Variants in RPS6KA3 observed in about 807,000 individuals in gnomAD.
The protein encoded by RPS6KA3 is ribosomal protein S6 kinase alpha-3.
Under a neutral mutation model 67.2 loss-of-function variants are expected in RPS6KA3, and 4 were observed. That is an observed-to-expected ratio of 0.06 (90% CI 0.03 to 0.14). The LOEUF (loss-of-function observed/expected upper bound fraction) is 0.14, where lower values mean the gene tolerates loss of function less well. Among genes scored for constraint, RPS6KA3 ranks in the 10% least tolerant of loss-of-function variants. The probability of loss-of-function intolerance (pLI) is 1.00; values close to 1 mark genes in which losing one functional copy is unlikely to be tolerated. For synonymous variants in RPS6KA3, 182 were observed against 183.7 expected (o/e 0.99, Z 0.07); for missense variants, 204 against 559.0 (o/e 0.36, Z 6.40).
intron 10 of RPS6KA3, among the ~76,000 whole-genome samples, chrX:20,181,990 G>A (rs1295490229): frequency 8.9e-6 from 1 of 111,763 alleles, no homozygotes; most frequent in Non-Finnish European, 1.9e-5. Flanking sequence ...TAGATGAAGT[G>A]ATAAAGGTTC....
intron 17 of RPS6KA3, among the ~76,000 whole-genome samples, chrX:20,167,125 T>C (rs1367854517): frequency 3.6e-5 from 4 of 112,162 alleles, no homozygotes; most frequent in African/African-American, 1.3e-4. Flanking sequence ...GTGCCCAGCC[T>C]AGAAATACAA....
intron 2 of RPS6KA3, among the ~76,000 whole-genome samples, chrX:20,211,095 T>C (rs1207107131): frequency 9.0e-6 from 1 of 110,965 alleles, no homozygotes; most frequent in Non-Finnish European, 1.9e-5. Context: ...ACCTACTACA[T>C]ATCAACCCTG....
At chrX:20,168,993 T>TAGGCATGAGCCACCATGTC (rs1357258637) in intron 16 of RPS6KA3, among the ~76,000 whole-genome samples, 2 of 110,976 alleles carry the variant, frequency 1.8e-5, no homozygotes, top group Non-Finnish European at 3.8e-5. Context: ...GCTGCGACTA[T>TAGGCATGAGCCACCATGTC]AGGCATGAGC....
chrX:20,256,191 A>G (rs962479004), intron 1 of RPS6KA3, among the ~76,000 whole-genome samples: 1 of 104,071 alleles, frequency 9.6e-6, no homozygotes, highest in Non-Finnish European at 2.0e-5. Flanking sequence ...AAAAAAAAAA[A>G]AAAAAAAAGA....
Position 20,173,866 on chromosome X carries a change from A to T in RPS6KA3, c.1228-995T>A, listed in dbSNP as rs886250922. Among the ~76,000 whole-genome samples, 11 of 112,800 alleles carry T rather than the reference A, an allele frequency of 9.8e-5. No individual in the cohort carries two copies. The South Asian group carries it at 2.9e-3, about 30-fold the overall frequency. ...TCAAGCAAATCCAAGTACAAATGAT[A>T]TCCTAAAAAGAATCCAATGCTTCAA... On this transcript the variant is annotated intron_variant, in intron 14 of 21. Transcript: ENST00000379565.
At chrX:20,165,104 C>T in intron 17 of RPS6KA3, 44 bp from the exon 18 acceptor site, 4 of 1,032,394 alleles carry the variant, frequency 3.9e-6, no homozygotes, top group Non-Finnish European at 4.1e-6. Flanking sequence ...CAATATATTT[C>T]CATTACTGAA....
At chrX:20,221,448 T>A (rs779788096) in intron 2 of RPS6KA3, among the ~76,000 whole-genome samples, 1 of 111,929 alleles carries the variant, frequency 8.9e-6, no homozygotes, top group South Asian at 3.7e-4. Context: ...AGGGAAAAAA[T>A]TTAAAAAAAT....
rs375505082 is a variant in RPS6KA3, at chrX:20,164,389, T to G, written c.1764+510A>C. On this transcript the variant is annotated intron_variant, in intron 18 of 21. Coordinates refer to ENST00000379565, the MANE Select transcript of RPS6KA3 (RefSeq NM_004586.3). ...ATACCAGAGAGACTGAAGGGTTGTT[T>G]TTTTTTTTTTTTTTTGAGAGGGGTT... Among the ~76,000 whole-genome samples the G allele has an allele frequency of 2.1e-3, 221 of 104,803 alleles. 1 individual carries two copies. Among genetic ancestry groups the G allele is most frequent in the Non-Finnish European group, 3.7e-3 (186 of 50,792 alleles). The allele number at this position is 104,803 out of a possible 115,157, so 91.0% of individuals were successfully genotyped here. A position where few individuals can be genotyped will look rare whatever the true frequency, so the allele number is the denominator to read the frequency against.
At chrX:20,253,353 CT>C (rs1432794334) in intron 1 of RPS6KA3, among the ~76,000 whole-genome samples, 1 of 111,027 alleles carries the variant, frequency 9.0e-6, no homozygotes, top group African/African-American at 3.3e-5. Context: ...AGGAAACAGG[CT>C]TTTTCTCAGA....
intron 8 of RPS6KA3, 55 bp downstream of exon 8, chrX:20,188,437 TAAAGG>T: frequency 6.2e-6 from 4 of 647,838 alleles, no homozygotes; most frequent in Non-Finnish European, 9.8e-6. Context: ...CAATCAACCT[TAAAGG>T]AAAGTATATA....
At chrX:20,239,345 C>T (rs907800184) in intron 1 of RPS6KA3, among the ~76,000 whole-genome samples, 3 of 111,610 alleles carry the variant, frequency 2.7e-5, no homozygotes, top group African/African-American at 6.5e-5. Context: ...GAAGAAGTAT[C>T]GGAGAGTGTT....
chrX:20,198,880 T>C (rs746207086), intron 4 of RPS6KA3, among the ~76,000 whole-genome samples: 1 of 111,686 alleles, frequency 9.0e-6, no homozygotes, highest in Non-Finnish European at 1.9e-5. Flanking sequence ...TAGGAGTCTA[T>C]CTTTTTTTTG....
chrX:20,203,249 TTTC>T (rs746251972), intron 4 of RPS6KA3: 4 of 105,150 alleles, frequency 3.8e-5, no homozygotes, highest in Non-Finnish European at 7.7e-5. Context: ...TAAATCTATA[TTTC>T]TTCTTAACTA....
chrX:20,223,300 T>C (rs907283429), intron 2 of RPS6KA3, among the ~76,000 whole-genome samples: 1 of 111,702 alleles, frequency 9.0e-6, no homozygotes, highest in Non-Finnish European at 1.9e-5. Flanking sequence ...AGGCAGATTT[T>C]TTCCTATGTT....
At chrX:20,220,785 T>C (rs915872809) in intron 2 of RPS6KA3, among the ~76,000 whole-genome samples, 1 of 111,584 alleles carries the variant, frequency 9.0e-6, no homozygotes, top group African/African-American at 3.3e-5. Context: ...GTTGAAATGA[T>C]ACCTTAATTA....
At chrX:20,200,356 T>C (rs781424521) in intron 4 of RPS6KA3, among the ~76,000 whole-genome samples, 15 of 112,079 alleles carry the variant, frequency 1.3e-4, no homozygotes, top group Admixed American at 6.6e-4. Context: ...TGAAAGTCAT[T>C]GTCTCTGGGG....
intron 13 of RPS6KA3, 86 bp downstream of exon 13, chrX:20,176,164 C>T: frequency 3.1e-6 from 2 of 653,777 alleles, no homozygotes; most frequent in Middle Eastern, 3.9e-4. Context: ...AGCCACCGCG[C>T]CCAGAGTCTG....
At chrX:20,203,931 T>C in intron 4 of RPS6KA3, 91 bp downstream of exon 4, 1 of 670,821 alleles carries the variant, frequency 1.5e-6, no homozygotes, top group South Asian at 2.2e-5. Context: ...ATTCAGAATG[T>C]AAATAACATG....
At chrX:20,256,398 G>A (rs2070067439) in intron 1 of RPS6KA3, among the ~76,000 whole-genome samples, 2 of 110,644 alleles carry the variant, frequency 1.8e-5, no homozygotes, top group African/African-American at 6.6e-5. Context: ...AGGATGCAAA[G>A]ATAGAGAGGT....
Sources: allele counts gnomAD v4.1 joint callset (sites outside exome capture counted in the v4.1 genomes callset), GRCh38; gene constraint gnomAD v4.1.1; transcripts MANE v1.5; gene names NCBI Gene and HGNC (gene_info 2026-07-23, HGNC 2026-07-21).